Variants in ARID1B observed in about 807,000 individuals in gnomAD.
ARID1B encodes the protein AT-rich interaction domain 1B.
In ARID1B, 30 loss-of-function variants were observed where a neutral mutation model predicts 212.3. The ratio of observed to expected loss-of-function variants is 0.14; its 90% CI spans 0.11 to 0.19. ARID1B has a LOEUF of 0.19. Among genes scored for constraint, ARID1B ranks in the 10% least tolerant of loss-of-function variants. The pLI is 1.00. For synonymous variants in ARID1B, 1,402 were observed against 1,301.7 expected, an observed-to-expected ratio of 1.08 and a Z score of -1.66; for missense variants, 2,891 against 3,204.0, an observed-to-expected ratio of 0.90 and a Z score of 2.36.
chr6:156,800,912 T>G (rs974495030), intron 1 of ARID1B, among the ~76,000 whole-genome samples: 1 of 152,024 alleles, frequency 6.6e-6, no homozygotes, highest in African/African-American at 2.4e-5. Flanking sequence ...AAAAATTAAT[T>G]AAATGAAATT....
intron 4 of ARID1B, chr6:156,977,035 A>AACAC: frequency 2.1e-6 from 1 of 469,880 alleles, no homozygotes; most frequent in Non-Finnish European, 4.1e-6. Flanking sequence ...GCAAGATGAA[A>AACAC]ACACACAGCA....
chr6:156,793,596 G>A lies in ARID1B; in HGVS notation c.1791+14125G>A, dbSNP rs529221724. Among the ~76,000 whole-genome samples, 8 of 152,220 alleles carry A rather than the reference G, an allele frequency of 5.3e-5. No individual in the cohort carries two copies. The East Asian group carries it at 1.4e-3, about 26-fold the overall frequency. ...AGCAGTTCTCCTGCCTCAGCTTCCC[G>A]AAGAGCTAGGATTATAGGTGTTGAA... On this transcript the variant is annotated intron_variant, in intron 1 of 19. Coordinates refer to ENST00000636930, the MANE Select transcript of ARID1B (RefSeq NM_001374828.1).
At chr6:156,926,283 A>G (rs540447116) in intron 3 of ARID1B, among the ~76,000 whole-genome samples, 3 of 152,190 alleles carry the variant, frequency 2.0e-5, no homozygotes, top group Non-Finnish European at 2.9e-5. Flanking sequence ...AATTTGGTTA[A>G]GATCATGGAG....
chr6:156,959,678 A>G (rs1363576183), intron 4 of ARID1B, among the ~76,000 whole-genome samples: 1 of 152,122 alleles, frequency 6.6e-6, no homozygotes, highest in Non-Finnish European at 1.5e-5. Context: ...GTAAAGGTTG[A>G]ATTGTCTGAC....
intron 1 of ARID1B, among the ~76,000 whole-genome samples, chr6:156,823,531 CAA>C (rs753037705): frequency 1.2e-4 from 19 of 152,064 alleles, no homozygotes; most frequent in Admixed American, 1.3e-4. Flanking sequence ...GAACAGATTT[CAA>C]AAGTTTTCTT....
chr6:156,818,130 A>G (rs1378590594), intron 1 of ARID1B, among the ~76,000 whole-genome samples: 2 of 112,934 alleles, frequency 1.8e-5, no homozygotes, highest in African/African-American at 7.2e-5. Flanking sequence ...TTTTTAGAAT[A>G]TAAGATTTGA....
chr6:157,055,854 A>T (rs1434455665), intron 4 of ARID1B, among the ~76,000 whole-genome samples: 1 of 152,106 alleles, frequency 6.6e-6, no homozygotes, highest in African/African-American at 2.4e-5. Flanking sequence ...TGGAGTTCTA[A>T]GGTTCCCACC....
chr6:157,037,738 G>A (rs868195076), intron 4 of ARID1B, among the ~76,000 whole-genome samples: 6 of 152,128 alleles, frequency 3.9e-5, no homozygotes, highest in South Asian at 2.1e-4. Flanking sequence ...TTTGGAGGAC[G>A]GATTAACCAG....
intron 4 of ARID1B, among the ~76,000 whole-genome samples, chr6:157,070,947 T>C (rs1783971890): frequency 6.6e-6 from 1 of 152,206 alleles, no homozygotes; most frequent in African/African-American, 2.4e-5. Context: ...TGTTGGAGTT[T>C]GGCACTGTAC....
intron 4 of ARID1B, among the ~76,000 whole-genome samples, chr6:157,064,033 AG>A (rs1258010037): frequency 6.6e-6 from 1 of 152,198 alleles, no homozygotes; most frequent in African/African-American, 2.4e-5. Flanking sequence ...AATAATTGGA[AG>A]GTTTGTGGCA....
chr6:157,067,334 G>T (rs1783730305), intron 4 of ARID1B, among the ~76,000 whole-genome samples: 1 of 152,166 alleles, frequency 6.6e-6, no homozygotes, highest in Non-Finnish European at 1.5e-5. Flanking sequence ...GCCATCTACT[G>T]GTGCCAGGCA....
rs2114966173 is a variant in ARID1B at position 156,778,212 on chromosome 6, C to T, written c.532C>T (p.His178Tyr). ...HHHHHAHHHH[H>Y]HAHHLHHHHA... ...CCACCACCATGCCCACCACCACCAC[C>T]ACCATGCCCACCACCTCCACCACCA... The change falls in exon 1 of 20, where the codon CAC (histidine) becomes TAC (tyrosine). Residue 178 changes from histidine to tyrosine, a missense_variant. His to Tyr is a moderately conservative substitution (Grantham distance 83). Coordinates refer to ENST00000636930, the MANE Select transcript of ARID1B (RefSeq NM_001374828.1). 1 of 1,540,148 alleles carries T rather than the reference C, an allele frequency of 6.5e-7. No homozygotes were observed. The highest frequency in any genetic ancestry group is 1.2e-5 in the South Asian group (1 of 83,988).
At chr6:157,199,682 C>CT (rs890316609) in intron 17 of ARID1B, among the ~76,000 whole-genome samples, 1 of 150,978 alleles carries the variant, frequency 6.6e-6, no homozygotes, top group Non-Finnish European at 1.5e-5. Flanking sequence ...TGCTTTTTTT[C>CT]TTTTTTTGAG....
At chr6:157,137,309 C>G (rs948162628) in intron 7 of ARID1B, among the ~76,000 whole-genome samples, 1 of 152,124 alleles carries the variant, frequency 6.6e-6, no homozygotes, top group African/African-American at 2.4e-5. Context: ...TACTTAATTA[C>G]AGTATATTTT....
intron 1 of ARID1B, among the ~76,000 whole-genome samples, chr6:156,786,737 C>T (rs116472366): frequency 2.5e-3 from 375 of 152,196 alleles, no homozygotes; most frequent in African/African-American, 8.7e-3. Flanking sequence ...TATTGAGCTC[C>T]CACTTTCTTA....
intron 3 of ARID1B, among the ~76,000 whole-genome samples, chr6:156,908,482 T>TC (rs1455447159): frequency 6.6e-6 from 1 of 152,208 alleles, no homozygotes; most frequent in African/African-American, 2.4e-5. Flanking sequence ...GTATTGTGTG[T>TC]CCTTGTAAAC....
chr6:156,778,847 G>GGGA lies in ARID1B; in HGVS notation c.1169_1170insAGG (p.Gly402dup). The GGGA allele has an allele frequency of 7.1e-7, 1 of 1,403,486 alleles. No homozygotes were observed. The highest frequency in any genetic ancestry group is 9.3e-7 in the Non-Finnish European group (1 of 1,075,588). The allele number at this position is 1,403,486 out of a possible 1,614,324, so 86.9% of individuals were successfully genotyped here. On this transcript the variant is annotated inframe_insertion, in exon 1 of 20. Coordinates refer to ENST00000636930, the MANE Select transcript of ARID1B (RefSeq NM_001374828.1). ...ATCCGGGCTACAGCCGGCCCGGCGC[G>GGGA]GGCGGCGGCGGCGGCGGCGGCGGCG...
chr6:157,182,584 T>C (rs1485797384), intron 12 of ARID1B, among the ~76,000 whole-genome samples: 3 of 152,016 alleles, frequency 2.0e-5, no homozygotes, highest in Admixed American at 6.5e-5. Context: ...ACTGACGGCC[T>C]ACCGTGGTCT....
Position 157,026,629 on chromosome 6 carries a change from G to T in ARID1B, c.2248-58033G>T, listed in dbSNP as rs1407227451. ...GAATCCTCAGAGACCTATTTCTTAG[G>T]TGAGTAGAGGAGTGTTTGTAATCAT... On this transcript the variant is annotated intron_variant, in intron 4 of 19. Transcript: ENST00000636930. Among the ~76,000 whole-genome samples, 4 of 152,140 alleles carry T rather than the reference G, an allele frequency of 2.6e-5. No homozygotes were observed. In the East Asian group the frequency reaches 7.7e-4, roughly 29 times the overall value.
Sources: gnomAD v4.1 joint callset for allele counts (sites outside exome capture counted in the v4.1 genomes callset) on GRCh38, gnomAD v4.1.1 for gene constraint, MANE v1.5 for transcripts, NCBI Gene and HGNC (gene_info 2026-07-23, HGNC 2026-07-21) for gene names.